Variants in MEIG1 observed in about 807,000 individuals in gnomAD.
MEIG1 encodes the protein meiosis expressed gene 1 protein homolog.
MEIG1 carries 12 observed loss-of-function variants against 11.3 expected under a neutral mutation model. That is an observed-to-expected ratio of 1.07 (90% confidence interval 0.68 to 1.73). The LOEUF is 1.73. Among genes scored for constraint, MEIG1 ranks in the 40% most tolerant of loss-of-function variants. MEIG1 has a pLI of 0.00. For missense variants in MEIG1, 119 were observed against 104.9 expected, an observed-to-expected ratio of 1.13 and a Z score of -0.59; for synonymous variants, 41 against 33.2, an observed-to-expected ratio of 1.24 and a Z score of -0.81.
chr10:14,962,962 C>T (rs1843032762), intron 1 of MEIG1, among the ~76,000 whole-genome samples: 2 of 151,320 alleles, frequency 1.3e-5, no homozygotes, highest in African/African-American at 4.9e-5. Context: ...CGGGGTTTCA[C>T]CATCTTGGCC....
intron 1 of MEIG1, among the ~76,000 whole-genome samples, chr10:14,978,687 T>C (rs1199339712): frequency 6.6e-6 from 1 of 152,042 alleles, no homozygotes; most frequent in Non-Finnish European, 1.5e-5. Context: ...ACAGGGTGTG[T>C]ACATCTTGTT....
chr10:14,972,464 A>AT (rs1452393996), intron 2 of MEIG1, 49 bp from the exon 3 acceptor site: 1 of 1,611,560 alleles, frequency 6.2e-7, no homozygotes, highest in Non-Finnish European at 8.5e-7. Flanking sequence ...ATATGAGATA[A>AT]AAATCAACCC....
intron 1 of MEIG1, among the ~76,000 whole-genome samples, chr10:14,963,966 T>C (rs6602771): frequency 0.64 from 97,330 of 151,756 alleles, 31,508 homozygotes; most frequent in Admixed American, 0.68. Context: ...GGCATGGTAG[T>C]GGGCGCCTGT....
intron 2 of MEIG1, among the ~76,000 whole-genome samples, chr10:14,970,762 C>T (rs570932235): frequency 2.4e-3 from 373 of 152,282 alleles, no homozygotes; most frequent in Non-Finnish European, 4.7e-3. Context: ...CCTCTTCCTA[C>T]TGAAAGCTGA....
chr10:14,984,171 C>T (rs1009990076), intron 1 of MEIG1, among the ~76,000 whole-genome samples: 5 of 150,624 alleles, frequency 3.3e-5, no homozygotes, highest in Admixed American at 2.0e-4. Flanking sequence ...CATATCCAGG[C>T]GGGGAGAGGG....
At chr10:14,967,740 G>A (rs1032026278) in intron 2 of MEIG1, among the ~76,000 whole-genome samples, 1 of 152,154 alleles carries the variant, frequency 6.6e-6, no homozygotes, top group African/African-American at 2.4e-5. Flanking sequence ...TAGTAACCTA[G>A]TGTTAACAGA....
At chr10:14,964,604 TATATAC>T (rs144759027) in intron 1 of MEIG1, among the ~76,000 whole-genome samples, 5,578 of 104,828 alleles carry the variant, frequency 0.053, 151 homozygotes, top group South Asian at 0.094. Flanking sequence ...TATATATATA[TATATAC>T]ACACACACAC....
upstream of MEIG1, among the ~76,000 whole-genome samples, chr10:14,958,329 T>C (rs1312037327): frequency 2.0e-5 from 3 of 152,208 alleles, no homozygotes; most frequent in African/African-American, 7.2e-5. Context: ...TTTTACTAAG[T>C]ATTGCCTTTG....
rs1264025202 is a variant in MEIG1, at chr10:14,982,651, G to C, written n.67-4145G>C. ...CCCAGTATACCGCTGCTCTCTCAGG[G>C]GCATTTGGATCCCCGTTTTGGGTCG... On this transcript the variant is annotated intron_variant and non_coding_transcript_variant, in intron 1 of 2. Coordinates refer to the MEIG1 transcript ENST00000467536. 4.6e-5 allele frequency among the ~76,000 whole-genome samples: 7 copies of C among 152,202 alleles called. No individual in the cohort carries two copies. In the South Asian group the frequency reaches 1.0e-3, roughly 23 times the overall value.
At chr10:14,961,501 T>G (rs1323956380) in intron 1 of MEIG1, among the ~76,000 whole-genome samples, 1 of 152,088 alleles carries the variant, frequency 6.6e-6, no homozygotes, top group African/African-American at 2.4e-5. Flanking sequence ...GATGGTGTCT[T>G]GCTCTGTCAC....
chr10:14,958,105 A>G (rs1375188892), upstream of MEIG1, among the ~76,000 whole-genome samples: 1 of 152,224 alleles, frequency 6.6e-6, no homozygotes, highest in African/African-American at 2.4e-5. Context: ...ATTGATGGAT[A>G]TGGAAAGAGA....
At chr10:14,986,397 A>G (rs1260989608) in intron 1 of MEIG1, among the ~76,000 whole-genome samples, 1 of 152,188 alleles carries the variant, frequency 6.6e-6, no homozygotes, top group Non-Finnish European at 1.5e-5. Flanking sequence ...GCATAATGAG[A>G]AAGTTAGGAA....
intron 1 of MEIG1, among the ~76,000 whole-genome samples, chr10:14,983,083 C>A (rs916679142): frequency 1.8e-4 from 27 of 152,148 alleles, no homozygotes; most frequent in Admixed American, 1.6e-3. Context: ...TGGGTGTACA[C>A]CCACCTGTGA....
chr10:14,977,698 T>G (rs910623821), downstream of MEIG1, among the ~76,000 whole-genome samples: 5 of 152,084 alleles, frequency 3.3e-5, no homozygotes, highest in Middle Eastern at 3.4e-3. Context: ...ATTTGTAATA[T>G]CCATGGTAAA....
upstream of MEIG1, among the ~76,000 whole-genome samples, chr10:14,958,333 G>A (rs556989042): frequency 1.2e-4 from 18 of 152,272 alleles, 1 homozygote; most frequent in South Asian, 3.3e-3. Flanking sequence ...ACTAAGTATT[G>A]CCTTTGTTTT....
chr10:14,964,489 C>T (rs1843053458), intron 1 of MEIG1, among the ~76,000 whole-genome samples: 1 of 150,808 alleles, frequency 6.6e-6, no homozygotes, highest in South Asian at 2.1e-4. Flanking sequence ...ATGATTTTTA[C>T]CCAGTATGAA....
At chr10:14,984,013 G>A (rs897426062) in intron 1 of MEIG1, among the ~76,000 whole-genome samples, 12 of 152,118 alleles carry the variant, frequency 7.9e-5, no homozygotes, top group Non-Finnish European at 1.6e-4. Flanking sequence ...CCGAGATATT[G>A]TTCTTAATAT....
Position 14,972,521 on chromosome 10 carries a change from T to C in MEIG1, c.147T>C (p.Arg49=). 1 of 1,614,088 alleles carries C rather than the reference T, an allele frequency of 6.2e-7. No individual in the cohort carries two copies. Among genetic ancestry groups the C allele is most frequent in the Non-Finnish European group, 8.5e-7 (1 of 1,179,964 alleles). Reference sequence around the variant, plus strand: ...TGGTTCTTGATGTGCAGGTAGATCGTTGGCCGGAGACAGGATATGTGAAGA... The same window carrying C: ...TGGTTCTTGATGTGCAGGTAGATCGCTGGCCGGAGACAGGATATGTGAAGA... ...RQVKQVSMVD[R]WPETGYVKKL... Residue 49 remains arginine (R), a synonymous_variant, in exon 3 of 3, where the codon CGT becomes CGC. Coordinates refer to ENST00000407572, the MANE Select transcript of MEIG1 (RefSeq NM_001080836.3).
chr10:14,970,557 C>A (rs530874141), intron 2 of MEIG1: 11 of 152,306 alleles, frequency 7.2e-5, no homozygotes, highest in African/African-American at 2.4e-4. Flanking sequence ...GTATTGGAAG[C>A]CACACAGGCA....
Sources: allele counts gnomAD v4.1 joint callset (sites outside exome capture counted in the v4.1 genomes callset), GRCh38; gene constraint gnomAD v4.1.1; transcripts MANE v1.5; gene names NCBI Gene and HGNC (gene_info 2026-07-23, HGNC 2026-07-21).